Variants in DDB2 observed in about 807,000 individuals in gnomAD.
DDB2 encodes the protein damage specific DNA binding protein 2.
DDB2 carries 27 observed loss-of-function variants against 50.5 expected under a neutral mutation model. That is an observed-to-expected ratio of 0.53 (90% CI 0.39 to 0.74). The LOEUF (loss-of-function observed/expected upper bound fraction) is 0.74. Ranked by LOEUF, DDB2 falls within the 30% of genes least tolerant of loss-of-function variation. The pLI, the probability that DDB2 is intolerant of heterozygous loss-of-function variation, is 0.00. For synonymous variants in DDB2, 176 were observed against 205.5 expected (o/e 0.86, Z 1.23); for missense variants, 424 against 545.6 (o/e 0.78, Z 2.22).
chr11:47,223,245 GGGGC>G lies in DDB2; in HGVS notation c.456+6197_456+6200del, dbSNP rs1448684872. 5.1e-3 allele frequency among the ~76,000 whole-genome samples: 776 copies of G among 152,306 alleles called. 1 individual carries two copies. Among genetic ancestry groups the G allele is most frequent in the African/African-American group, 0.017 (724 of 41,560 alleles). On this transcript the variant is annotated intron_variant, in intron 3 of 9. Transcript: ENST00000256996. ...TACGCCTGTAATCCCAGCATTTTGG[GGGGC>G]CAAGGCAAGTGGATCATTTGCGATC...
chr11:47,229,715 A>C (rs1953615567), intron 3 of DDB2: 2 of 374,566 alleles, frequency 5.3e-6, no homozygotes, highest in Non-Finnish European at 1.0e-5. Flanking sequence ...TCAGTATACA[A>C]AGTAAGACAG....
At position 47,238,937 on chromosome 11, in the gene DDB2, A is replaced by G; in HGVS notation, c.*88A>G. On this transcript the variant is annotated 3_prime_UTR_variant, in exon 10 of 10. Coordinates refer to ENST00000256996, the MANE Select transcript of DDB2 (RefSeq NM_000107.3). ...GCAAGCAGAGGTGGCGATTTGTTAA[A>G]GGGCCAAAAGTATCCAAGGTTAGGG... The G allele has an allele frequency of 2.1e-6, 3 of 1,405,808 alleles. No individual in the cohort carries two copies. The highest frequency in any genetic ancestry group is 3.0e-6 in the Non-Finnish European group (3 of 1,004,158). 87.1% of individuals were successfully genotyped at this position (1,405,808 alleles called of 1,614,324 possible).
intron 3 of DDB2, among the ~76,000 whole-genome samples, chr11:47,219,278 A>G (rs566817503): frequency 6.6e-6 from 1 of 152,334 alleles, no homozygotes; most frequent in South Asian, 2.1e-4. Flanking sequence ...TACATATAAC[A>G]TGAAATTTAC....
At chr11:47,229,610 CAAA>C (rs1462834792) in intron 3 of DDB2, among the ~76,000 whole-genome samples, 1 of 152,034 alleles carries the variant, frequency 6.6e-6, no homozygotes, top group Admixed American at 6.6e-5. Context: ...TTTTCACTGT[CAAA>C]GAAGGGAATT....
intron 3 of DDB2, among the ~76,000 whole-genome samples, chr11:47,226,273 A>ATTT (rs1235730292): frequency 8.0e-6 from 1 of 125,468 alleles, no homozygotes; most frequent in Non-Finnish European, 1.8e-5. Context: ...ACCAACATTT[A>ATTT]TTTTCTTTTT....
chr11:47,235,039 T>G, intron 6 of DDB2, 105 bp downstream of exon 6: 1 of 1,380,870 alleles, frequency 7.2e-7, no homozygotes, highest in Non-Finnish European at 1.0e-6. Context: ...TTACCCCTGA[T>G]AGCGTCTGCC....
intron 3 of DDB2, among the ~76,000 whole-genome samples, chr11:47,219,517 T>C (rs905069580): frequency 6.6e-6 from 1 of 151,996 alleles, no homozygotes; most frequent in Non-Finnish European, 1.5e-5. Flanking sequence ...CGCACCACCA[T>C]GCCTGGCTAA....
At chr11:47,216,834 C>T (rs375093764) in intron 2 of DDB2, 24 bp from the exon 3 acceptor site, 240 of 1,612,402 alleles carry the variant, frequency 1.5e-4, no homozygotes, top group Non-Finnish European at 1.7e-4. Context: ...TTAATTCAAC[C>T]TAATTCATTT....
At chr11:47,232,031 A>G (rs1285961046) in intron 3 of DDB2, among the ~76,000 whole-genome samples, 4 of 152,100 alleles carry the variant, frequency 2.6e-5, no homozygotes, top group Non-Finnish European at 5.9e-5. Context: ...TAAAAAAAAA[A>G]GTAAAAATAA....
At chr11:47,237,715 G>GTGAGCCAC in intron 7 of DDB2, 122 bp from the exon 8 acceptor site, 3 of 1,005,692 alleles carry the variant, frequency 3.0e-6, no homozygotes. Context: ...GATTACAGGT[G>GTGAGCCAC]TGAGCCACTG....
intron 3 of DDB2, chr11:47,220,392 T>C (rs374159574): frequency 6.6e-6 from 1 of 152,326 alleles, no homozygotes; most frequent in East Asian, 1.9e-4. Flanking sequence ...AATAGAGGAA[T>C]TTAGCTTATG....
upstream of DDB2, chr11:47,214,843 A>C (rs1302059894): frequency 8.4e-6 from 4 of 475,510 alleles, no homozygotes; most frequent in South Asian, 6.4e-5. Flanking sequence ...CCGGGCTGGC[A>C]CTGGCCCTGG....
chr11:47,237,727 A>T, intron 7 of DDB2, 110 bp from the exon 8 acceptor site: 1 of 1,162,400 alleles, frequency 8.6e-7, no homozygotes, highest in Non-Finnish European at 1.3e-6. Context: ...GAGCCACTGC[A>T]CTCAGCCCAA....
chr11:47,238,168 C>G lies in DDB2; in HGVS notation c.1219C>G (p.Leu407Val). ...TGAATTCAATCCCATGGGGGACACG[C>G]TGGCCTCTGCAATGGGTGAGTAGGA... ...LNEFNPMGDT[L>V]ASAMGYHILI... Residue 407 changes from leucine to valine, a missense_variant, in exon 9 of 10, where the codon CTG becomes GTG. Leu to Val is a conservative substitution (Grantham distance 32). Coordinates refer to ENST00000256996, the MANE Select transcript of DDB2 (RefSeq NM_000107.3). The G allele has an allele frequency of 1.2e-6, 2 of 1,611,592 alleles. No homozygotes were observed. Among genetic ancestry groups the G allele is most frequent in the Non-Finnish European group, 1.7e-6 (2 of 1,178,836 alleles).
intron 3 of DDB2, chr11:47,220,564 T>C (rs1207807264): frequency 2.0e-5 from 3 of 152,370 alleles, no homozygotes; most frequent in Middle Eastern, 3.4e-3. Flanking sequence ...GTGTAAACTT[T>C]CTTTACACTG....
chr11:47,228,697 C>T (rs951089101), intron 3 of DDB2, among the ~76,000 whole-genome samples: 1 of 150,538 alleles, frequency 6.6e-6, no homozygotes, highest in Non-Finnish European at 1.5e-5. Context: ...CAGCCAGGTC[C>T]GGTGGCTCAT....
intron 7 of DDB2, 151 bp from the exon 8 acceptor site, chr11:47,237,686 C>T: frequency 1.3e-6 from 1 of 763,046 alleles, no homozygotes; most frequent in Non-Finnish European, 2.3e-6. Flanking sequence ...CCGCCTGCCT[C>T]AGCCTCCCAA....
rs1303673957 is a variant in DDB2 at position 47,215,281 on chromosome 11, T to C, written c.127+18T>C. On this transcript the variant is annotated intron_variant, in intron 1 of 9. Coordinates refer to ENST00000256996, the MANE Select transcript of DDB2 (RefSeq NM_000107.3). ...GGGCTCCGGTACTGCCTGTGCCTGC[T>C]GCTTGAATATTTCCGCCTTTTAGGG... 1.2e-6 allele frequency: 2 copies of C among 1,613,628 alleles called. No individual in the cohort carries two copies. The highest frequency in any genetic ancestry group is 1.7e-6 in the Non-Finnish European group (2 of 1,179,956).
At chr11:47,233,204 G>A (rs2135509561) in intron 4 of DDB2, 1 of 550,954 alleles carries the variant, frequency 1.8e-6, no homozygotes, top group East Asian at 3.3e-5. Flanking sequence ...ACCTGTATTA[G>A]ACTGGACCTT....
Sources: allele counts gnomAD v4.1 joint callset (sites outside exome capture counted in the v4.1 genomes callset), GRCh38; gene constraint gnomAD v4.1.1; transcripts MANE v1.5; gene names NCBI Gene and HGNC (gene_info 2026-07-23, HGNC 2026-07-21).